RPS6KC1: variants seen among roughly 807,000 people sequenced by gnomAD.
RPS6KC1 encodes inactive ribosomal protein S6 kinase delta-1.
RPS6KC1 carries 54 observed loss-of-function variants against 103.8 expected under a neutral mutation model. The ratio of observed to expected loss-of-function variants is 0.52; its 90% CI spans 0.42 to 0.65. The LOEUF is 0.65. Ranked by LOEUF, RPS6KC1 falls within the 30% of genes least tolerant of loss-of-function variation. The pLI, the probability that RPS6KC1 is intolerant of heterozygous loss-of-function variation, is 0.00. For missense variants in RPS6KC1, 1,151 were observed against 1,253.8 expected (o/e 0.92, Z 1.24); for synonymous variants, 439 against 438.7 (o/e 1.00, Z -0.01).
At chr1:213,632,376 C>A in the RPS6KC1 span, among the ~76,000 whole-genome samples, 57 of 152,312 alleles carry the variant, frequency 3.7e-4, no homozygotes, top group African/African-American at 1.3e-3. Context: ...TCCAACTGAG[C>A]CTCCACTGGT....
At chr1:213,630,852 G>C in the RPS6KC1 span, among the ~76,000 whole-genome samples, 1 of 152,218 alleles carries the variant, frequency 6.6e-6, no homozygotes, top group Non-Finnish European at 1.5e-5. Flanking sequence ...TCCAGACCCT[G>C]TTTTCCTGGG....
Position 213,129,432 on chromosome 1 carries a change from TTGGATAATA to T in RPS6KC1, c.473-92_473-84del. On this transcript the variant is annotated intron_variant, in intron 5 of 14. Coordinates refer to ENST00000366960, the MANE Select transcript of RPS6KC1 (RefSeq NM_012424.6). ...GTAAATTACAGCCTTCCAAATTGAC[TTGGATAATA>T]TGAAAAATGAATAATTAGCATGATT... The T allele has an allele frequency of 2.9e-6, 4 of 1,360,420 alleles. No homozygotes were observed. In the East Asian group the frequency reaches 9.3e-5, roughly 31 times the overall value. The allele number at this position is 1,360,420 out of a possible 1,614,324, so 84.3% of individuals were successfully genotyped here.
chr1:213,593,689 G>A, the RPS6KC1 span, among the ~76,000 whole-genome samples: 5 of 151,970 alleles, frequency 3.3e-5, no homozygotes, highest in South Asian at 4.2e-4. Flanking sequence ...AGATACGAGC[G>A]AAGGTCTGTG....
the RPS6KC1 span, among the ~76,000 whole-genome samples, chr1:213,302,358 A>T: frequency 1.3e-5 from 2 of 152,092 alleles, no homozygotes; most frequent in Admixed American, 6.5e-5. Flanking sequence ...AGTGAAAGAG[A>T]CCTGAGAAGT....
chr1:213,075,008 C>T lies in RPS6KC1; in HGVS notation c.142-2688C>T, dbSNP rs376580523. The stretch of plus-strand genomic sequence containing the variant: ...CTGGGACTTCAGGCACCCACCACCA[C>T]GTCCAGCTAATTTTTTGTATTTTTT... On this transcript the variant is annotated intron_variant, in intron 2 of 14. Coordinates refer to ENST00000366960, the MANE Select transcript of RPS6KC1 (RefSeq NM_012424.6). Among the ~76,000 whole-genome samples, 6 of 151,876 alleles carry T rather than the reference C, an allele frequency of 4.0e-5. No individual in the cohort carries two copies. The East Asian group carries it at 7.8e-4, about 20-fold the overall frequency.
In RPS6KC1 at chr1:213,232,024, G is replaced by A. The variant is rs374541964; in HGVS notation, c.1093-99G>A. The A allele has an allele frequency of 7.4e-5, 107 of 1,453,526 alleles. No homozygotes were observed. The East Asian group carries it at 2.2e-3, about 30-fold the overall frequency. The allele number at this position is 1,453,526 out of a possible 1,614,324, so 90.0% of individuals were successfully genotyped here. A position where few individuals can be genotyped will look rare whatever the true frequency, so the allele number is the denominator to read the frequency against. On this transcript the variant is annotated intron_variant, in intron 9 of 14. Transcript: ENST00000366960. ...GTTTCTCTGAAGCCCAGAGTAACTCGGATAGATTAGTTTGGTTGATAAACA... is the reference window on the plus strand; with the variant it reads ...GTTTCTCTGAAGCCCAGAGTAACTCAGATAGATTAGTTTGGTTGATAAACA...
chr1:213,307,760 A>G, the RPS6KC1 span, among the ~76,000 whole-genome samples: 2,281 of 152,230 alleles, frequency 0.015, 66 homozygotes, highest in African/African-American at 0.052. Flanking sequence ...CATAGGATCT[A>G]TACAGTGAAA....
chr1:213,802,874 C>T, the RPS6KC1 span, among the ~76,000 whole-genome samples: 2 of 152,050 alleles, frequency 1.3e-5, no homozygotes, highest in African/African-American at 4.8e-5. Flanking sequence ...GTGAAAGAAC[C>T]GGGAATGTTT....
the RPS6KC1 span, among the ~76,000 whole-genome samples, chr1:213,795,559 G>GA: frequency 6.6e-6 from 1 of 152,094 alleles, no homozygotes; most frequent in Non-Finnish European, 1.5e-5. Context: ...TTTTGTCCTG[G>GA]AAAATAGGTA....
At chr1:213,396,388 C>T in the RPS6KC1 span, among the ~76,000 whole-genome samples, 1 of 152,184 alleles carries the variant, frequency 6.6e-6, no homozygotes, top group African/African-American at 2.4e-5. Context: ...GCTTCAGTGT[C>T]CCTAAGACCA....
intron 6 of RPS6KC1, among the ~76,000 whole-genome samples, chr1:213,146,710 C>A (rs2087884317): frequency 6.6e-6 from 1 of 151,658 alleles, no homozygotes; most frequent in African/African-American, 2.4e-5. Context: ...CAGGTGTGAG[C>A]CACTGTGCCC....
chr1:213,847,780 T>G, the RPS6KC1 span, among the ~76,000 whole-genome samples: 4 of 152,132 alleles, frequency 2.6e-5, no homozygotes, highest in Non-Finnish European at 5.9e-5. Flanking sequence ...AAGACGCCAT[T>G]GTATATTTGA....
At chr1:213,643,268 A>T in the RPS6KC1 span, among the ~76,000 whole-genome samples, 1 of 151,924 alleles carries the variant, frequency 6.6e-6, no homozygotes, top group Admixed American at 6.6e-5. Context: ...GAATCTTCTC[A>T]TCCATGAACA....
intron 3 of RPS6KC1, among the ~76,000 whole-genome samples, chr1:213,092,607 G>A (rs936040151): frequency 5.3e-5 from 8 of 151,344 alleles, no homozygotes; most frequent in African/African-American, 1.7e-4. Context: ...GGGAGGCGGA[G>A]CTTGCAGTGA....
At chr1:213,766,153 G>A in the RPS6KC1 span, among the ~76,000 whole-genome samples, 1 of 152,176 alleles carries the variant, frequency 6.6e-6, no homozygotes, top group South Asian at 2.1e-4. Flanking sequence ...ACTTCCCAAC[G>A]TGTCTTTCTG....
intron 5 of RPS6KC1, among the ~76,000 whole-genome samples, chr1:213,124,287 C>T (rs558313126): frequency 3.9e-5 from 6 of 152,282 alleles, no homozygotes; most frequent in African/African-American, 9.6e-5. Context: ...TTTACTCTTG[C>T]GATGGCCCAG....
At chr1:213,813,872 A>T in the RPS6KC1 span, among the ~76,000 whole-genome samples, 22 of 152,252 alleles carry the variant, frequency 1.4e-4, no homozygotes, top group African/African-American at 5.1e-4. Flanking sequence ...TCTCATAGCG[A>T]TTAGCACTTC....
intron 1 of RPS6KC1, 103 bp from the exon 2 acceptor site, chr1:213,070,903 C>A: frequency 8.5e-6 from 6 of 703,688 alleles, no homozygotes; most frequent in Non-Finnish European, 1.4e-5. Context: ...TTTTTTTAAG[C>A]AAATTGAATT....
At chr1:213,470,761 T>C in the RPS6KC1 span, among the ~76,000 whole-genome samples, 1 of 151,976 alleles carries the variant, frequency 6.6e-6, no homozygotes, top group African/African-American at 2.4e-5. Flanking sequence ...GTTGAGACTA[T>C]GGGCATGTGC....
Sources: gnomAD v4.1 joint callset for allele counts (sites outside exome capture counted in the v4.1 genomes callset) on GRCh38, gnomAD v4.1.1 for gene constraint, MANE v1.5 for transcripts, NCBI Gene and HGNC (gene_info 2026-07-23, HGNC 2026-07-21) for gene names.